Variants in PLCL1 observed in about 807,000 individuals in gnomAD.
PLCL1 encodes the protein phospholipase C like 1 (inactive).
PLCL1 carries 41 observed loss-of-function variants against 84.4 expected under a neutral mutation model. The ratio of observed to expected loss-of-function variants is 0.49; its 90% CI spans 0.38 to 0.63. PLCL1 has a LOEUF of 0.63. PLCL1 is among the 30% of genes least tolerant of loss of function. PLCL1 has a pLI of 0.00. For synonymous variants in PLCL1, 490 were observed against 488.3 expected, an observed-to-expected ratio of 1.00 and a Z score of -0.05; for missense variants, 1,206 against 1,367.8, an observed-to-expected ratio of 0.88 and a Z score of 1.87.
chr2:198,076,437 C>T (rs2105889759), intron 1 of PLCL1, among the ~76,000 whole-genome samples: 1 of 152,262 alleles, frequency 6.6e-6, no homozygotes, highest in Non-Finnish European at 1.5e-5. Flanking sequence ...CTTAATTTGG[C>T]TAGAGAAACT....
rs552135828 is a variant in PLCL1, at chr2:197,859,901, G to T, written c.240+54562G>T. Reference sequence around the variant, plus strand: ...TTAAAAAATTTTTTTAAGTTCAGGGGTACATGTGCAGGTTTGTTATATAGG... The same window carrying T: ...TTAAAAAATTTTTTTAAGTTCAGGGTTACATGTGCAGGTTTGTTATATAGG... On this transcript the variant is annotated intron_variant, in intron 1 of 5. Coordinates refer to ENST00000428675, the MANE Select transcript of PLCL1 (RefSeq NM_006226.4). Among the ~76,000 whole-genome samples the T allele has an allele frequency of 2.0e-5, 3 of 152,208 alleles. No individual in the cohort carries two copies. The East Asian group carries it at 5.8e-4, about 29-fold the overall frequency.
At chr2:198,058,509 C>G (rs533780025) in intron 1 of PLCL1, among the ~76,000 whole-genome samples, 17 of 151,858 alleles carry the variant, frequency 1.1e-4, no homozygotes, top group Middle Eastern at 3.4e-3. Context: ...CATGCAATTA[C>G]CAGACTGCTT....
In PLCL1 at chr2:198,148,578, A is replaced by G. The variant is rs1003921266; in HGVS notation, c.*1616A>G. 4 of 152,324 alleles carry G rather than the reference A, an allele frequency of 2.6e-5. No individual in the cohort carries two copies. Among genetic ancestry groups the G allele is most frequent in the African/African-American group, 9.7e-5 (4 of 41,448 alleles). The allele number at this position is 152,324 out of a possible 1,614,324, so 9.4% of individuals were successfully genotyped here. On this transcript the variant is annotated 3_prime_UTR_variant, in exon 6 of 6. Coordinates refer to ENST00000428675, the MANE Select transcript of PLCL1 (RefSeq NM_006226.4). Reference sequence around the variant, plus strand: ...GAGGTACCTGAAGTCATTTGAAGGCAAGTTTCCAATGATGCTACAATGGCC... The same window carrying G: ...GAGGTACCTGAAGTCATTTGAAGGCGAGTTTCCAATGATGCTACAATGGCC...
rs550099402 is a variant in PLCL1, at chr2:197,924,089, T to C, written c.240+118750T>C. The stretch of plus-strand genomic sequence containing the variant: ...GCAGGGAGGTTGCAGTGAGCCGAGA[T>C]GGCAGCAGTACAGTCCAGCTTCGGC... On this transcript the variant is annotated intron_variant, in intron 1 of 5. Coordinates refer to ENST00000428675, the MANE Select transcript of PLCL1 (RefSeq NM_006226.4). Among the ~76,000 whole-genome samples the C allele has an allele frequency of 5.9e-3, 821 of 138,788 alleles. 3 individuals are homozygous for C. The highest frequency in any genetic ancestry group is 1.0e-2 in the Non-Finnish European group (655 of 65,506). 91.1% of individuals were successfully genotyped at this position (138,788 alleles called of 152,430 possible). A position where few individuals can be genotyped will look rare whatever the true frequency, so the allele number is the denominator to read the frequency against.
intron 1 of PLCL1, among the ~76,000 whole-genome samples, chr2:197,859,742 G>A (rs1687393832): frequency 6.6e-6 from 1 of 152,126 alleles, no homozygotes; most frequent in South Asian, 2.1e-4. Flanking sequence ...TACAGTATAG[G>A]TTTGTAGCCT....
At chr2:197,884,050 A>C (rs1169101140) in intron 1 of PLCL1, among the ~76,000 whole-genome samples, 1 of 152,224 alleles carries the variant, frequency 6.6e-6, no homozygotes, top group Non-Finnish European at 1.5e-5. Flanking sequence ...TTTCATATTT[A>C]AAATGGGGGT....
At chr2:197,916,802 AG>A (rs1214036948) in intron 1 of PLCL1, among the ~76,000 whole-genome samples, 1 of 152,200 alleles carries the variant, frequency 6.6e-6, no homozygotes, top group Admixed American at 6.5e-5. Flanking sequence ...AATGGGCAAA[AG>A]AACTGAACAG....
At chr2:197,975,261 A>T (rs918918109) in intron 1 of PLCL1, among the ~76,000 whole-genome samples, 5 of 136,206 alleles carry the variant, frequency 3.7e-5, no homozygotes, top group African/African-American at 1.4e-4. Context: ...ATTATATTAA[A>T]ACCCCTGCAA....
chr2:197,939,050 G>A lies in PLCL1; in HGVS notation c.240+133711G>A, dbSNP rs1279643691. ...GAAAATAACATACCTTCCATTAATG[G>A]GGGTGGTGGTGAGAAGGAGGATCAA... On this transcript the variant is annotated intron_variant, in intron 1 of 5. Coordinates refer to ENST00000428675, the MANE Select transcript of PLCL1 (RefSeq NM_006226.4). Among the ~76,000 whole-genome samples the A allele has an allele frequency of 3.9e-5, 6 of 152,246 alleles. No individual in the cohort carries two copies. The East Asian group carries it at 7.7e-4, about 20-fold the overall frequency.
intron 5 of PLCL1, among the ~76,000 whole-genome samples, chr2:198,113,828 T>C (rs949059629): frequency 2.6e-5 from 4 of 151,898 alleles, no homozygotes; most frequent in African/African-American, 9.7e-5. Flanking sequence ...ATATCAAATC[T>C]GGCCATATTA....
At chr2:197,851,574 C>T (rs1330195877) in intron 1 of PLCL1, among the ~76,000 whole-genome samples, 1 of 152,208 alleles carries the variant, frequency 6.6e-6, no homozygotes, top group East Asian at 1.9e-4. Flanking sequence ...TTCCCAATGA[C>T]ACCTAAAATC....
chr2:197,866,091 CTATATATATATATAA>C (rs1559029453), intron 1 of PLCL1, among the ~76,000 whole-genome samples: 270 of 20,656 alleles, frequency 0.013, 81 homozygotes, highest in Admixed American at 0.017. Flanking sequence ...TATATATAAA[CTATATATATATATAA>C]ACTATATATA....
intron 1 of PLCL1, among the ~76,000 whole-genome samples, chr2:198,077,575 G>T (rs996882883): frequency 6.6e-6 from 1 of 151,954 alleles, no homozygotes; most frequent in Non-Finnish European, 1.5e-5. Flanking sequence ...GTTCCTCTGG[G>T]TTTAGCTCAT....
chr2:198,126,096 G>A (rs1693977230), intron 5 of PLCL1, among the ~76,000 whole-genome samples: 1 of 151,782 alleles, frequency 6.6e-6, no homozygotes, highest in African/African-American at 2.4e-5. Context: ...TACTCCCTCA[G>A]GTTAAGTAGG....
intron 1 of PLCL1, among the ~76,000 whole-genome samples, chr2:197,824,113 C>T (rs1690876896): frequency 6.6e-6 from 1 of 152,042 alleles, no homozygotes; most frequent in Non-Finnish European, 1.5e-5. Flanking sequence ...TCTAAAATTT[C>T]ATATTAATGA....
At chr2:197,865,348 T>G (rs1687509246) in intron 1 of PLCL1, among the ~76,000 whole-genome samples, 1 of 152,204 alleles carries the variant, frequency 6.6e-6, no homozygotes, top group Non-Finnish European at 1.5e-5. Context: ...CAGCTCACCT[T>G]TCCAAACTAT....
chr2:198,084,443 A>G lies in PLCL1; in HGVS notation c.926A>G (p.Glu309Gly), dbSNP rs1175491843. 1.9e-6 allele frequency: 3 copies of G among 1,613,990 alleles called. No individual in the cohort carries two copies. Among genetic ancestry groups the G allele is most frequent in the Non-Finnish European group, 1.7e-6 (2 of 1,179,970 alleles). ...GAGGAATTTTGTGAAGCTTTTTGTG[A>G]ACTTTGCACCAGGCCAGAAGTGTAT... ...TEEEFCEAFC[E>G]LCTRPEVYFL... Residue 309 changes from glutamate (E) to glycine (G), a missense_variant, in exon 2 of 6, where the codon GAA becomes GGA. Coordinates refer to ENST00000428675, the MANE Select transcript of PLCL1 (RefSeq NM_006226.4).
At position 198,084,482 on chromosome 2, in the gene PLCL1, A is replaced by C; in HGVS notation, c.965A>C (p.Gln322Pro). The stretch of plus-strand genomic sequence containing the variant: ...CCAGAAGTGTATTTCTTACTTGTAC[A>C]GATATCTAAAAACAAAGAATATTTG... ...TRPEVYFLLV[Q>P]ISKNKEYLDA... The change falls in exon 2 of 6, where the codon CAG (glutamine) becomes CCG (proline). Residue 322 changes from glutamine to proline, a missense_variant. Coordinates refer to ENST00000428675, the MANE Select transcript of PLCL1 (RefSeq NM_006226.4). The C allele has an allele frequency of 6.2e-7, 1 of 1,614,084 alleles. No individual in the cohort carries two copies. Among genetic ancestry groups the C allele is most frequent in the Non-Finnish European group, 8.5e-7 (1 of 1,179,912 alleles).
intron 1 of PLCL1, among the ~76,000 whole-genome samples, chr2:198,053,325 C>T (rs775411827): frequency 2.6e-5 from 4 of 152,170 alleles, no homozygotes; most frequent in Non-Finnish European, 4.4e-5. Flanking sequence ...TGGGTTTAGC[C>T]AATGAGAGGC....
Sources: allele counts gnomAD v4.1 joint callset (sites outside exome capture counted in the v4.1 genomes callset), GRCh38; gene constraint gnomAD v4.1.1; transcripts MANE v1.5; gene names NCBI Gene and HGNC (gene_info 2026-07-23, HGNC 2026-07-21).